Variants in SPTBN5 observed in about 807,000 individuals in gnomAD.
SPTBN5 encodes spectrin beta chain, non-erythrocytic 5.
Under a neutral mutation model 477.6 loss-of-function variants are expected in SPTBN5, and 513 were observed. The ratio of observed to expected loss-of-function variants is 1.07; its 90% CI spans 1.00 to 1.16. SPTBN5 has a LOEUF of 1.16. SPTBN5 is among the 50% of genes most tolerant of loss of function. The probability of loss-of-function intolerance (pLI) is 0.00; values close to 1 mark genes in which losing one functional copy is unlikely to be tolerated. For missense variants in SPTBN5, 5,062 were observed against 4,731.8 expected (o/e 1.07, Z -2.05); for synonymous variants, 2,169 against 2,011.7 (o/e 1.08, Z -2.09).
chr15:41,852,215 T>TA lies in SPTBN5; in HGVS notation c.10550dup (p.Gly3518ArgfsTer6), dbSNP rs1567180499. The TA allele has an allele frequency of 1.7e-5, 28 of 1,607,266 alleles. No individual in the cohort carries two copies. Among genetic ancestry groups the TA allele is most frequent in the Non-Finnish European group, 2.4e-5 (28 of 1,175,748 alleles). ...CCCTCGTCTCAGCCAGCTGTGCTCC[T>TA]AGCCCCTGGTGTCCAGAGGGCCTCC... On this transcript the variant is annotated frameshift_variant, in exon 62 of 68. Transcript: ENST00000320955. LOFTEE classifies it high-confidence loss of function.
In SPTBN5 at chr15:41,851,807, T is replaced by C; in HGVS notation, c.10628A>G (p.Lys3543Arg). 6.2e-7 allele frequency: 1 copy of C among 1,610,774 alleles called. No homozygotes were observed. The highest frequency in any genetic ancestry group is 8.5e-7 in the Non-Finnish European group (1 of 1,179,504). ...CCTCCCGCCAGGCAGCAGGTGCTGC[T>C]TGAACTCCAAAGACCCCTCCATGGT... Reference protein sequence around the residue: ...TPTMEGSLEFKQHLLPGGRQP... With the variant: ...TPTMEGSLEFRQHLLPGGRQP... The change falls in exon 63 of 68, where the codon AAG becomes AGG. Residue 3543 changes from lysine (K) to arginine (R), a missense_variant. Coordinates refer to ENST00000320955, the MANE Select transcript of SPTBN5 (RefSeq NM_016642.4).
rs375780343 is a variant in SPTBN5 at position 41,854,778 on chromosome 15, C to T, written c.9618+4G>A. 1.1e-5 allele frequency: 16 copies of T among 1,522,646 alleles called. 1 individual carries two copies. The Admixed American group carries it at 3.2e-4, about 31-fold the overall frequency. The allele number at this position is 1,522,646 out of a possible 1,614,324, so 94.3% of individuals were successfully genotyped here. ...TTAGCTTGGCCCGGCCTGTGATCAC[C>T]TACCTCTGTGCGGGCTTTTATTGCT... On this transcript the variant is annotated splice_donor_region_variant and intron_variant, in intron 56 of 67. Coordinates refer to ENST00000320955, the MANE Select transcript of SPTBN5 (RefSeq NM_016642.4).
intron 61 of SPTBN5, 24 bp from the exon 62 acceptor site, chr15:41,852,340 A>C (rs1567180760): frequency 1.3e-6 from 2 of 1,544,152 alleles, no homozygotes; most frequent in Admixed American, 3.9e-5. Context: ...CAAGGTGGGC[A>C]AGGTGAGCCA....
intron 24 of SPTBN5, 28 bp downstream of exon 24, chr15:41,874,264 A>G (rs1228689410): frequency 6.3e-7 from 1 of 1,590,020 alleles, no homozygotes; most frequent in African/African-American, 1.3e-5. Context: ...GGATGTCGGT[A>G]ATCCTGTAGG....
chr15:41,868,449 G>A lies in SPTBN5; in HGVS notation c.6006C>T (p.Ala2002=), dbSNP rs1301967118. 2 of 1,609,850 alleles carry A rather than the reference G, an allele frequency of 1.2e-6. No individual in the cohort carries two copies. The highest frequency in any genetic ancestry group is 1.3e-5 in the African/African-American group (1 of 75,014). The part of the protein sequence containing the change: ...LEAREKLWQQ[A]TQLGQQALLA... Reference sequence around the variant, plus strand: ...GAAGTGCCTGCTGCCCCAGCTGGGTGGCCTGCTGCCACAGCTTCTCCCGGG... The same window carrying A: ...GAAGTGCCTGCTGCCCCAGCTGGGTAGCCTGCTGCCACAGCTTCTCCCGGG... Residue 2002 remains alanine, a synonymous_variant, in exon 33 of 68, where the codon GCC becomes GCT. Transcript: ENST00000320955.
chr15:41,887,779 A>T, intron 5 of SPTBN5, 149 bp downstream of exon 5: 1 of 819,660 alleles, frequency 1.2e-6, no homozygotes, highest in Non-Finnish European at 1.9e-6. Flanking sequence ...AGGGAAGGGA[A>T]AGGGGCTAAC....
rs1276524794 is a variant in SPTBN5 at position 41,870,323 on chromosome 15, CCACATTGTTGGGGAGG to C, written c.5577_5592del (p.Ser1859ArgfsTer12). 1 of 1,568,180 alleles carries C rather than the reference CCACATTGTTGGGGAGG, an allele frequency of 6.4e-7. No individual in the cohort carries two copies. The highest frequency in any genetic ancestry group is 8.6e-7 in the Non-Finnish European group (1 of 1,156,716). On this transcript the variant is annotated frameshift_variant, in exon 31 of 68. Transcript: ENST00000320955. LOFTEE classifies it high-confidence loss of function. ...GCCTCCAGCCCACACAGGTCCCGTG[CCACATTGTTGGGGAGG>C]CTCGTGGCTTTCTCCTGAGGAAGGG...
rs1360628732 is a variant in SPTBN5, at chr15:41,863,732, T to C, written c.7121A>G (p.Asp2374Gly). 14 of 1,613,436 alleles carry C rather than the reference T, an allele frequency of 8.7e-6. No homozygotes were observed. Among genetic ancestry groups the C allele is most frequent in the Non-Finnish European group, 9.3e-6 (11 of 1,179,820 alleles). The change falls in exon 41 of 68, where the codon GAC becomes GGC. Residue 2374 changes from aspartate (D) to glycine (G), a missense_variant. By Grantham distance (94) the Asp-to-Gly change is moderately conservative. Transcript: ENST00000320955. The stretch of plus-strand genomic sequence containing the variant: ...CTCCTGAATCCTCTTGGTGACATTG[T>C]CCAGCTCTCGGGACAACACGTGTAT... Reference protein sequence around the residue: ...LEIHVLSRELDNVTKRIQEKE... With the variant: ...LEIHVLSRELGNVTKRIQEKE...
At position 41,854,766 on chromosome 15, in the gene SPTBN5, G is replaced by GCCTGTGATCACCTACCTCTGTGCGGGCT; in HGVS notation, c.9606_9618+15dup. On this transcript the variant is annotated intron_variant, in intron 56 of 67. Coordinates refer to ENST00000320955, the MANE Select transcript of SPTBN5 (RefSeq NM_016642.4). ...CTCTGACACCCCTTAGCTTGGCCCG[G>GCCTGTGATCACCTACCTCTGTGCGGGCT]CCTGTGATCACCTACCTCTGTGCGG... 1 of 1,496,980 alleles carries GCCTGTGATCACCTACCTCTGTGCGGGCT rather than the reference G, an allele frequency of 6.7e-7. No homozygotes were observed. Among genetic ancestry groups the GCCTGTGATCACCTACCTCTGTGCGGGCT allele is most frequent in the South Asian group, 1.4e-5 (1 of 72,900 alleles). 92.7% of individuals were successfully genotyped at this position (1,496,980 alleles called of 1,614,324 possible).
intron 17 of SPTBN5, 64 bp from the exon 18 acceptor site, chr15:41,877,420 C>G: frequency 6.4e-7 from 1 of 1,555,286 alleles, no homozygotes. Flanking sequence ...TCCTTCTCCT[C>G]TCACCTCCAG....
Position 41,856,981 on chromosome 15 carries a change from G to A in SPTBN5, c.8680C>T (p.Leu2894Phe). 6.2e-7 allele frequency: 1 copy of A among 1,602,548 alleles called. No individual in the cohort carries two copies. Among genetic ancestry groups the A allele is most frequent in the Non-Finnish European group, 8.5e-7 (1 of 1,175,362 alleles). ...GCGTCCCTGAAGAACTTCAAGAGGA[G>A]GCTCCGGGCCTCCAGGGCCGTCCTG... The part of the protein sequence containing the change: ...ERRTALEARS[L>F]LLKFFRDADE... The change falls in exon 52 of 68, where the codon CTC becomes TTC. Residue 2894 changes from leucine to phenylalanine, a missense_variant. Transcript: ENST00000320955.
intron 1 of SPTBN5, 118 bp downstream of exon 1, chr15:41,893,781 C>T (rs2067386041): frequency 1.8e-6 from 1 of 550,778 alleles, no homozygotes; most frequent in East Asian, 3.0e-5. Context: ...GTCCCTCCAC[C>T]ACAGTGACTG....
intron 12 of SPTBN5, 56 bp downstream of exon 12, chr15:41,881,880 G>T: frequency 6.8e-7 from 1 of 1,463,644 alleles, no homozygotes; most frequent in Non-Finnish European, 9.0e-7. Context: ...CCTCTGTGTG[G>T]CCCAGCCGCG....
In SPTBN5 at chr15:41,873,761, C is replaced by T. The variant is rs749756817; in HGVS notation, c.4890+84G>A. 4.9e-4 allele frequency: 765 copies of T among 1,559,450 alleles called. 2 individuals are homozygous for T. The highest frequency in any genetic ancestry group is 2.8e-3 in the Middle Eastern group (16 of 5,736). On this transcript the variant is annotated intron_variant, in intron 25 of 67. Coordinates refer to ENST00000320955, the MANE Select transcript of SPTBN5 (RefSeq NM_016642.4). ...CAGCCCAGAGCCCCCACCACTGATCCGCCTCCCTGAGAGTCCCACAGGTGG... is the reference window on the plus strand; with the variant it reads ...CAGCCCAGAGCCCCCACCACTGATCTGCCTCCCTGAGAGTCCCACAGGTGG...
chr15:41,892,753 G>T, intron 3 of SPTBN5, 141 bp downstream of exon 3: 1 of 971,408 alleles, frequency 1.0e-6, no homozygotes, highest in Non-Finnish European at 1.5e-6. Flanking sequence ...GCTCCTCTGT[G>T]TCCCAGCCAC....
At chr15:41,893,738 C>T (rs1483213478) in intron 1 of SPTBN5, 161 bp downstream of exon 1, 2 of 639,184 alleles carry the variant, frequency 3.1e-6, no homozygotes, top group Non-Finnish European at 5.3e-6. Context: ...ACCCCACCTT[C>T]CAGATTCTTC....
chr15:41,878,983 G>A (rs1017526961), intron 16 of SPTBN5, among the ~76,000 whole-genome samples: 2 of 152,230 alleles, frequency 1.3e-5, no homozygotes, highest in East Asian at 1.9e-4. Context: ...GGAGAATGGC[G>A]TGAACCCGGG....
At chr15:41,856,725 A>C (rs2065938569) in intron 52 of SPTBN5, 127 bp from the exon 53 acceptor site, 2 of 1,343,736 alleles carry the variant, frequency 1.5e-6, no homozygotes, top group Non-Finnish European at 2.0e-6. Flanking sequence ...ATGACTCCCA[A>C]AGAATCCAGG....
intron 6 of SPTBN5, 59 bp downstream of exon 6, chr15:41,887,154 C>A (rs12593320): frequency 2.0e-6 from 3 of 1,484,234 alleles, no homozygotes; most frequent in East Asian, 2.5e-5. Flanking sequence ...GCAGGCTTCA[C>A]GCTTAGGCCT....
Sources: allele counts gnomAD v4.1 joint callset (sites outside exome capture counted in the v4.1 genomes callset), GRCh38; gene constraint gnomAD v4.1.1; transcripts MANE v1.5; gene names NCBI Gene and HGNC (gene_info 2026-07-23, HGNC 2026-07-21).